The following SPATA17 variants were observed in gnomAD, a reference collection of about 807,000 sequenced individuals.
SPATA17 encodes spermatogenesis-associated protein 17.
In SPATA17, 53 loss-of-function variants were observed where a neutral mutation model predicts 62.2. That is an observed-to-expected ratio of 0.85 (90% CI 0.68 to 1.07). The LOEUF (loss-of-function observed/expected upper bound fraction) is 1.07. Among genes scored for constraint, SPATA17 ranks in the 50% least tolerant of loss-of-function variants. The pLI is 0.00. For synonymous variants in SPATA17, 146 were observed against 146.8 expected (o/e 0.99, Z 0.04); for missense variants, 466 against 425.5 (o/e 1.10, Z -0.84).
In SPATA17 at chr1:217,634,897, TTTGTTGTTGTTG is replaced by T. The variant is rs140552696; in HGVS notation, c.68+3478_68+3489del. ...TGTCACTTGACAGAGTATTGGCCTT[TTTGTTGTTGTTG>T]TTGTTGTTGTTGTTGTTGTTGTTGT... On this transcript the variant is annotated intron_variant, in intron 1 of 10. Transcript: ENST00000366933. Among the ~76,000 whole-genome samples, 156 of 150,060 alleles carry T rather than the reference TTTGTTGTTGTTG, an allele frequency of 1.0e-3. 1 individual carries two copies. Among genetic ancestry groups the T allele is most frequent in the South Asian group, 6.3e-4 (3 of 4,746 alleles).
rs563788232 is a variant in SPATA17 at position 217,830,017 on chromosome 1, A to T, written c.1005+28167A>T. Reference sequence around the variant, plus strand: ...TTTTACTATCTATATGTATCCCCTAAACTAATGTTGTAAACCTCAAATATA... The same window carrying T: ...TTTTACTATCTATATGTATCCCCTATACTAATGTTGTAAACCTCAAATATA... On this transcript the variant is annotated intron_variant, in intron 9 of 10. Coordinates refer to ENST00000366933, the MANE Select transcript of SPATA17 (RefSeq NM_138796.4). 3.9e-5 allele frequency among the ~76,000 whole-genome samples: 6 copies of T among 152,180 alleles called. No homozygotes were observed. In the South Asian group the frequency reaches 1.2e-3, roughly 32 times the overall value.
At chr1:217,817,821 C>A (rs1037316396) in intron 9 of SPATA17, among the ~76,000 whole-genome samples, 4 of 151,942 alleles carry the variant, frequency 2.6e-5, no homozygotes, top group African/African-American at 9.7e-5. Flanking sequence ...TGACTAGGAC[C>A]ACACATGCTT....
intron 9 of SPATA17, among the ~76,000 whole-genome samples, chr1:217,819,990 G>T (rs527520417): frequency 4.6e-5 from 7 of 152,108 alleles, no homozygotes; most frequent in African/African-American, 1.4e-4. Flanking sequence ...AGAGAAAAAG[G>T]TCATATATCG....
At chr1:217,682,364 C>CAAAAAA (rs528838455) in intron 4 of SPATA17, among the ~76,000 whole-genome samples, 2 of 122,300 alleles carry the variant, frequency 1.6e-5, no homozygotes, top group Admixed American at 1.7e-4. Flanking sequence ...TCCTCTCATC[C>CAAAAAA]AAAAAAAAAA....
chr1:217,865,387 G>A (rs566372982), intron 10 of SPATA17, among the ~76,000 whole-genome samples: 1 of 152,074 alleles, frequency 6.6e-6, no homozygotes, highest in Non-Finnish European at 1.5e-5. Context: ...TCTAAGTTTA[G>A]GATAAACACT....
At chr1:217,771,507 A>C (rs933457247) in intron 6 of SPATA17, among the ~76,000 whole-genome samples, 2 of 152,156 alleles carry the variant, frequency 1.3e-5, no homozygotes, top group African/African-American at 4.8e-5. Flanking sequence ...TGTTGTATTT[A>C]TTTAAAGAAA....
At chr1:217,866,049 G>A (rs767388163) in intron 10 of SPATA17, among the ~76,000 whole-genome samples, 1 of 152,092 alleles carries the variant, frequency 6.6e-6, no homozygotes, top group African/African-American at 2.4e-5. Flanking sequence ...AAATGCCATC[G>A]TCTTTTTTCC....
Position 217,801,819 on chromosome 1 carries a change from G to C in SPATA17, c.974G>C (p.Ser325Thr), listed in dbSNP as rs896595241. 3 of 1,610,154 alleles carry C rather than the reference G, an allele frequency of 1.9e-6. No individual in the cohort carries two copies. The highest frequency in any genetic ancestry group is 1.7e-4 in the Middle Eastern group (1 of 6,056). Reference protein sequence around the residue: ...GPISYKEQFRSENPKKWICDK... With the variant: ...GPISYKEQFRTENPKKWICDK... ...ATTTCTTACAAAGAACAATTCCGAA[G>C]TGAAAATCCTAAGAAATGGATCTGT... Residue 325 changes from serine to threonine, a missense_variant, in exon 9 of 11, where the codon AGT (serine) becomes ACT (threonine). Ser to Thr is a moderately conservative substitution (Grantham distance 58). Transcript: ENST00000366933.
rs560591615 is a variant in SPATA17 at position 217,704,230 on chromosome 1, C to CTTTTTTTTTTTTTTT, written c.395+20886_395+20900dup. On this transcript the variant is annotated intron_variant, in intron 5 of 10. Coordinates refer to ENST00000366933, the MANE Select transcript of SPATA17 (RefSeq NM_138796.4). ...TCCTAACTCTCCTCCTTCCCTCTAC[C>CTTTTTTTTTTTTTTT]TTTTTTTTTTTTTTTTTTTTTTTTT... Among the ~76,000 whole-genome samples the CTTTTTTTTTTTTTTT allele has an allele frequency of 1.2e-4, 5 of 41,718 alleles. 1 individual carries two copies. The highest frequency in any genetic ancestry group is 1.4e-4 in the Non-Finnish European group (3 of 21,570). 27.4% of individuals were successfully genotyped at this position (41,718 alleles called of 152,430 possible). A position where few individuals can be genotyped will look rare whatever the true frequency, so the allele number is the denominator to read the frequency against.
intron 1 of SPATA17, among the ~76,000 whole-genome samples, chr1:217,646,334 T>C (rs1670181253): frequency 1.3e-5 from 2 of 152,148 alleles, no homozygotes; most frequent in South Asian, 4.1e-4. Context: ...CAGCAATATA[T>C]ATGAATTCTT....
intron 6 of SPATA17, among the ~76,000 whole-genome samples, chr1:217,760,208 A>T (rs1382086473): frequency 2.0e-5 from 3 of 152,200 alleles, no homozygotes; most frequent in Non-Finnish European, 1.5e-5. Context: ...ATAAAAGATA[A>T]CTGGGTTGTG....
intron 9 of SPATA17, among the ~76,000 whole-genome samples, chr1:217,834,455 C>T (rs1421088092): frequency 6.6e-6 from 1 of 151,990 alleles, no homozygotes; most frequent in Non-Finnish European, 1.5e-5. Flanking sequence ...GTGGGACAAG[C>T]TATGGAGGTG....
At chr1:217,633,177 G>A (rs752711365) in intron 1 of SPATA17, among the ~76,000 whole-genome samples, 2 of 149,774 alleles carry the variant, frequency 1.3e-5, no homozygotes, top group African/African-American at 2.5e-5. Context: ...CAGCCTGGGC[G>A]ACAGAGCAAG....
intron 5 of SPATA17, among the ~76,000 whole-genome samples, chr1:217,703,369 G>A (rs566232438): frequency 4.0e-5 from 6 of 149,826 alleles, no homozygotes; most frequent in Non-Finnish European, 7.4e-5. Flanking sequence ...ACGGGGTTTC[G>A]CCATGTTGGT....
chr1:217,803,000 C>T (rs1674348545), intron 9 of SPATA17, among the ~76,000 whole-genome samples: 1 of 152,120 alleles, frequency 6.6e-6, no homozygotes, highest in Non-Finnish European at 1.5e-5. Flanking sequence ...GCAACCTCCG[C>T]CCCTCAGATT....
At position 217,795,443 on chromosome 1, in the gene SPATA17, C is replaced by T. The variant is rs140254367; in HGVS notation, c.873-6275C>T. On this transcript the variant is annotated intron_variant, in intron 8 of 10. Transcript: ENST00000366933. ...GGGGTGCAGTGGTGTGATCTCGGCT[C>T]GCTGCAAACTCCGCCTCTGGCGTTC... Among the ~76,000 whole-genome samples the T allele has an allele frequency of 5.8e-3, 798 of 138,152 alleles. 7 individuals are homozygous for T. Among genetic ancestry groups the T allele is most frequent in the African/African-American group, 0.021 (769 of 37,354 alleles). The allele number at this position is 138,152 out of a possible 152,430, so 90.6% of individuals were successfully genotyped here.
chr1:217,856,331 T>C (rs928948648), intron 9 of SPATA17, among the ~76,000 whole-genome samples: 1 of 152,200 alleles, frequency 6.6e-6, no homozygotes, highest in African/African-American at 2.4e-5. Flanking sequence ...TACTTTCAGG[T>C]TATTTTATCT....
At chr1:217,810,573 A>G (rs1197791878) in intron 9 of SPATA17, among the ~76,000 whole-genome samples, 1 of 151,990 alleles carries the variant, frequency 6.6e-6, no homozygotes, top group Non-Finnish European at 1.5e-5. Flanking sequence ...AGCCAAGACC[A>G]TGCCACTGCA....
rs1176619821 is a variant in SPATA17 at position 217,775,698 on chromosome 1, T to TAG, written c.723+1162_723+1163insGA. On this transcript the variant is annotated intron_variant, in intron 7 of 10. Transcript: ENST00000366933. ...GCCTGGCGACCGATCTATATATATA[T>TAG]ATATAGAGAGAGTCTATAATCTATC... 3.3e-5 allele frequency among the ~76,000 whole-genome samples: 5 copies of TAG among 151,790 alleles called. No individual in the cohort carries two copies. The East Asian group carries it at 7.8e-4, about 24-fold the overall frequency.
Sources: gnomAD v4.1 joint callset for allele counts (sites outside exome capture counted in the v4.1 genomes callset) on GRCh38, gnomAD v4.1.1 for gene constraint, MANE v1.5 for transcripts, NCBI Gene and HGNC (gene_info 2026-07-23, HGNC 2026-07-21) for gene names.